ADAMTSL1: variants seen among roughly 807,000 people sequenced by gnomAD.
ADAMTSL1 encodes the protein ADAMTS-like protein 1.
A neutral mutation model predicts 201.8 loss-of-function variants in ADAMTSL1; 126 were observed. The ratio of observed to expected loss-of-function variants is 0.62; its 90% CI spans 0.54 to 0.72. ADAMTSL1 has a LOEUF of 0.72. ADAMTSL1 is among the 30% of genes least tolerant of loss of function. The pLI, the probability that ADAMTSL1 is intolerant of heterozygous loss-of-function variation, is 0.00. For synonymous variants in ADAMTSL1, 1,121 were observed against 903.4 expected, an observed-to-expected ratio of 1.24 and a Z score of -4.32; for missense variants, 2,679 against 2,277.8, an observed-to-expected ratio of 1.18 and a Z score of -3.59.
intron 5 of ADAMTSL1, among the ~76,000 whole-genome samples, chr9:18,626,481 C>A (rs775131661): frequency 2.0e-5 from 3 of 152,166 alleles, no homozygotes; most frequent in Middle Eastern, 3.4e-3. Flanking sequence ...TATTTGCATT[C>A]GGGATATATT....
chr9:18,468,719 G>C (rs775956795), intron 2 of ADAMTSL1, among the ~76,000 whole-genome samples: 25 of 152,136 alleles, frequency 1.6e-4, no homozygotes, highest in Admixed American at 2.6e-4. Flanking sequence ...TCCAAAAACT[G>C]AGTTCTTCCC....
intron 2 of ADAMTSL1, among the ~76,000 whole-genome samples, chr9:18,311,032 T>G (rs1259703321): frequency 1.3e-5 from 2 of 150,782 alleles, no homozygotes; most frequent in African/African-American, 2.5e-5. Context: ...CCATAAAAAA[T>G]GATGAGTTCA....
Position 18,888,147 on chromosome 9 carries a change from T to C in ADAMTSL1, c.4462+104T>C, listed in dbSNP as rs1235338447. 3 of 1,244,580 alleles carry C rather than the reference T, an allele frequency of 2.4e-6. No homozygotes were observed. In the African/African-American group the frequency reaches 4.5e-5, roughly 19 times the overall value. 77.1% of individuals were successfully genotyped at this position (1,244,580 alleles called of 1,614,324 possible). A position where few individuals can be genotyped will look rare whatever the true frequency, so the allele number is the denominator to read the frequency against. On this transcript the variant is annotated intron_variant, in intron 24 of 28. Transcript: ENST00000380548. ...AGAGATTTCTGATCTCCAGTGGTAC[T>C]CAAGGCATGAAAACCAAAGCCATGC...
chr9:18,129,861 T>A (rs1825877345), intron 1 of ADAMTSL1, among the ~76,000 whole-genome samples: 2 of 152,162 alleles, frequency 1.3e-5, no homozygotes, highest in African/African-American at 4.8e-5. Flanking sequence ...AAACCTTCCC[T>A]TGTTCCCCAG....
chr9:18,468,576 A>G (rs1821093463), intron 2 of ADAMTSL1, among the ~76,000 whole-genome samples: 1 of 152,266 alleles, frequency 6.6e-6, no homozygotes, highest in South Asian at 2.1e-4. Context: ...CATAACTCTC[A>G]TTGTCCAAAA....
rs1284244827 is a variant in ADAMTSL1, at chr9:18,289,054, A to G, written c.207+125073A>G. Among the ~76,000 whole-genome samples, 5 of 152,192 alleles carry G rather than the reference A, an allele frequency of 3.3e-5. No individual in the cohort carries two copies. The East Asian group carries it at 7.7e-4, about 23-fold the overall frequency. ...TCTAAGTTAGAGGTAGTAGAATTAT[A>G]TATTAGTCTGGGTTCTCCAAAGAAA... is the stretch of plus-strand genomic sequence containing the variant. On this transcript the variant is annotated intron_variant, in intron 2 of 29. Coordinates refer to the ADAMTSL1 transcript ENST00000680146.
At chr9:18,476,385 T>C (rs1821453036) in intron 1 of ADAMTSL1, among the ~76,000 whole-genome samples, 1 of 152,192 alleles carries the variant, frequency 6.6e-6, no homozygotes, top group Non-Finnish European at 1.5e-5. Context: ...TGGTTGTAAA[T>C]ATTTAAGAAC....
chr9:18,138,067 C>T (rs1232916632), intron 1 of ADAMTSL1, among the ~76,000 whole-genome samples: 1 of 152,126 alleles, frequency 6.6e-6, no homozygotes, highest in Non-Finnish European at 1.5e-5. Flanking sequence ...TGATTCCCTG[C>T]TATGCCACTT....
chr9:18,869,218 C>T (rs1827732289), intron 23 of ADAMTSL1, among the ~76,000 whole-genome samples: 1 of 152,194 alleles, frequency 6.6e-6, no homozygotes, highest in South Asian at 2.1e-4. Flanking sequence ...ATGGAGCCAA[C>T]CTTGCCAGCA....
chr9:18,067,183 C>G (rs1015770035), intron 1 of ADAMTSL1, among the ~76,000 whole-genome samples: 2 of 152,114 alleles, frequency 1.3e-5, no homozygotes, highest in Non-Finnish European at 2.9e-5. Flanking sequence ...TCTTTAGATT[C>G]CAATCCCAGC....
At chr9:18,482,364 T>C (rs1821771827) in intron 1 of ADAMTSL1, among the ~76,000 whole-genome samples, 1 of 152,234 alleles carries the variant, frequency 6.6e-6, no homozygotes, top group Non-Finnish European at 1.5e-5. Context: ...TACACTACAT[T>C]AATTTTCACG....
intron 2 of ADAMTSL1, among the ~76,000 whole-genome samples, chr9:18,199,556 T>C (rs1429870073): frequency 6.6e-6 from 1 of 152,122 alleles, no homozygotes; most frequent in Non-Finnish European, 1.5e-5. Flanking sequence ...TTGACAGTTT[T>C]ATCATTTTCA....
intron 2 of ADAMTSL1, among the ~76,000 whole-genome samples, chr9:18,192,583 G>A (rs1439914492): frequency 6.6e-6 from 1 of 152,096 alleles, no homozygotes; most frequent in Non-Finnish European, 1.5e-5. Flanking sequence ...GTATTCTCCA[G>A]TGTTTTTCCA....
chr9:18,547,251 A>T (rs1367958089), intron 3 of ADAMTSL1, among the ~76,000 whole-genome samples: 1 of 152,106 alleles, frequency 6.6e-6, no homozygotes, highest in Non-Finnish European at 1.5e-5. Flanking sequence ...GTAAGTTACA[A>T]AAGTACAACA....
At chr9:17,922,365 G>C (rs950349762) in intron 1 of ADAMTSL1, among the ~76,000 whole-genome samples, 1 of 152,118 alleles carries the variant, frequency 6.6e-6, no homozygotes, top group South Asian at 2.1e-4. Context: ...TAAGTCAGTT[G>C]TGCTATGTTG....
chr9:18,277,745 C>G (rs113671454), intron 2 of ADAMTSL1, among the ~76,000 whole-genome samples: 4 of 152,242 alleles, frequency 2.6e-5, no homozygotes, highest in African/African-American at 9.6e-5. Flanking sequence ...TGTCTTTTCA[C>G]TGGAGAATTT....
intron 9 of ADAMTSL1, among the ~76,000 whole-genome samples, chr9:18,669,896 G>A (rs866754097): frequency 1.8e-4 from 27 of 152,160 alleles, no homozygotes; most frequent in Middle Eastern, 3.2e-3. Flanking sequence ...AAAGAAAGTA[G>A]CAGAGAGGAG....
intron 20 of ADAMTSL1, among the ~76,000 whole-genome samples, chr9:18,811,012 C>A (rs377065775): frequency 1.2e-3 from 46 of 38,786 alleles, no homozygotes; most frequent in South Asian, 2.6e-3. Context: ...CAATGAGTAC[C>A]AAAAAAAAAA....
chr9:18,099,355 A>ATATATATATATATTTTTTTTTTTTTT (rs1239180390), intron 1 of ADAMTSL1, among the ~76,000 whole-genome samples: 1 of 45,562 alleles, frequency 2.2e-5, no homozygotes, highest in Non-Finnish European at 4.1e-5. Flanking sequence ...ATATATATAT[A>ATATATATATATATTTTTTTTTTTTTT]TTTTTTTTTT....
Sources: allele counts gnomAD v4.1 joint callset (sites outside exome capture counted in the v4.1 genomes callset), GRCh38; gene constraint gnomAD v4.1.1; transcripts MANE v1.5; gene names NCBI Gene and HGNC (gene_info 2026-07-23, HGNC 2026-07-21).